LOXHD1: variants seen among roughly 807,000 people sequenced by gnomAD.
LOXHD1 encodes lipoxygenase homology PLAT domains 1.
A neutral mutation model predicts 248.2 loss-of-function variants in LOXHD1; 205 were observed. The ratio of observed to expected loss-of-function variants is 0.83; its 90% CI spans 0.74 to 0.93. The LOEUF (loss-of-function observed/expected upper bound fraction) is 0.93, where lower values mean the gene tolerates loss of function less well. Ranked by LOEUF, LOXHD1 falls within the 40% of genes least tolerant of loss-of-function variation. The pLI is 0.00. For synonymous variants in LOXHD1, 1,113 were observed against 1,162.8 expected, an observed-to-expected ratio of 0.96 and a Z score of 0.87; for missense variants, 2,930 against 2,971.6, an observed-to-expected ratio of 0.99 and a Z score of 0.33.
intron 20 of LOXHD1, chr18:46,557,823 A>AG (rs1367169564): frequency 2.3e-6 from 3 of 1,287,990 alleles, no homozygotes; most frequent in African/African-American, 1.5e-5. Context: ...TGTGCAAGAG[A>AG]GGGGGGTGCA....
chr18:46,623,607 C>T (rs1365568549), intron 4 of LOXHD1, among the ~76,000 whole-genome samples: 1 of 152,248 alleles, frequency 6.6e-6, no homozygotes, highest in Non-Finnish European at 1.5e-5. Context: ...TTTTCCTCTG[C>T]AGGCCCTGTG....
chr18:46,555,444 G>C (rs920488591), intron 21 of LOXHD1: 25 of 204,856 alleles, frequency 1.2e-4, no homozygotes, highest in African/African-American at 1.9e-4. Flanking sequence ...ACAATGGGCT[G>C]TCTGTGAGCT....
At chr18:46,594,180 G>C in intron 9 of LOXHD1, 151 bp downstream of exon 9, 1 of 960,900 alleles carries the variant, frequency 1.0e-6, no homozygotes, top group Non-Finnish European at 1.5e-6. Flanking sequence ...GAGCTGCTTG[G>C]CGGGGTTGGG....
chr18:46,541,865 C>T lies in LOXHD1; in HGVS notation c.3824G>A (p.Cys1275Tyr), dbSNP rs978325303. 1.3e-6 allele frequency: 2 copies of T among 1,551,622 alleles called. No individual in the cohort carries two copies. Among genetic ancestry groups the T allele is most frequent in the Non-Finnish European group, 1.7e-6 (2 of 1,147,016 alleles). Residue 1275 changes from cysteine to tyrosine, a missense_variant, in exon 25 of 41, where the codon TGT becomes TAT. By Grantham distance (194) the Cys-to-Tyr change is radical (BLOSUM62 -2). Transcript: ENST00000642948. ...PSLGKCMTFP[C>Y]GRWLAKNEDD... is the part of the protein sequence containing the mutation. ...TTCGTTTTTGGCCAGCCAGCGGCCA[C>T]AGGGAAACGTCATGCACTTCCCAAG...
rs1470113953 is a variant in LOXHD1, at chr18:46,574,382, T to TACACAC, written c.1971-2221_1971-2220insGTGTGT. Among the ~76,000 whole-genome samples the TACACAC allele has an allele frequency of 1.6e-3, 95 of 58,566 alleles. 1 individual carries two copies. Among genetic ancestry groups the TACACAC allele is most frequent in the South Asian group, 5.7e-3 (11 of 1,920 alleles). The allele number at this position is 58,566 out of a possible 152,430, so 38.4% of individuals were successfully genotyped here. On this transcript the variant is annotated intron_variant, in intron 14 of 40. Coordinates refer to ENST00000642948, the MANE Select transcript of LOXHD1 (RefSeq NM_001384474.1). ...CTGAGCTCACAGGAGTGTGTGTGTG[T>TACACAC]ACACATACACACACACACACACACA...
chr18:46,631,306 A>G (rs575641244), intron 4 of LOXHD1, among the ~76,000 whole-genome samples: 2 of 152,256 alleles, frequency 1.3e-5, no homozygotes, highest in East Asian at 3.9e-4. Context: ...CCTGACAGCT[A>G]CAACCCCCCC....
chr18:46,593,889 C>G, intron 9 of LOXHD1, 129 bp from the exon 10 acceptor site: 4 of 918,010 alleles, frequency 4.4e-6, no homozygotes, highest in Non-Finnish European at 6.5e-6. Flanking sequence ...GTGTCCCACT[C>G]TCAGAAACCC....
At chr18:46,611,016 C>G (rs984014143) in intron 5 of LOXHD1, 92 bp from the exon 6 acceptor site, 2 of 1,458,492 alleles carry the variant, frequency 1.4e-6, no homozygotes, top group African/African-American at 1.4e-5. Flanking sequence ...AGATGCTCTT[C>G]CAAAGTTAAC....
At chr18:46,576,744 C>T (rs892162775) in intron 14 of LOXHD1, among the ~76,000 whole-genome samples, 9 of 152,198 alleles carry the variant, frequency 5.9e-5, no homozygotes, top group African/African-American at 2.2e-4. Flanking sequence ...ATGGAGCCCT[C>T]CCAGTGGCCC....
chr18:46,605,611 A>G (rs2038401872), intron 6 of LOXHD1, among the ~76,000 whole-genome samples: 1 of 152,212 alleles, frequency 6.6e-6, no homozygotes. Flanking sequence ...CTCAGGCAAT[A>G]GGAAAAAGAA....
At chr18:46,557,234 C>G in intron 21 of LOXHD1, 122 bp downstream of exon 21, 3 of 1,166,782 alleles carry the variant, frequency 2.6e-6, no homozygotes, top group Non-Finnish European at 3.7e-6. Context: ...TGTCACCCAG[C>G]CCACCCTCAC....
At chr18:46,536,876 C>T (rs1268178513) in intron 26 of LOXHD1, among the ~76,000 whole-genome samples, 1 of 152,176 alleles carries the variant, frequency 6.6e-6, no homozygotes, top group African/African-American at 2.4e-5. Flanking sequence ...GGGCACATCT[C>T]CAAAGATCCC....
intron 5 of LOXHD1, among the ~76,000 whole-genome samples, chr18:46,612,891 CT>C (rs1270592527): frequency 6.6e-6 from 1 of 152,094 alleles, no homozygotes; most frequent in Non-Finnish European, 1.5e-5. Flanking sequence ...ACAATGCCAA[CT>C]CTATGTGTGC....
intron 38 of LOXHD1, 70 bp downstream of exon 38, chr18:46,488,902 T>A: frequency 6.7e-7 from 1 of 1,492,398 alleles, no homozygotes; most frequent in Non-Finnish European, 9.0e-7. Flanking sequence ...CCCCTCCAGC[T>A]GGAACGGTGT....
intron 10 of LOXHD1, 38 bp downstream of exon 10, chr18:46,593,562 C>T (rs2144241677): frequency 6.5e-7 from 1 of 1,547,720 alleles, no homozygotes; most frequent in Admixed American, 2.0e-5. Flanking sequence ...ACATCCCTTC[C>T]TCCTTTCTCC....
chr18:46,612,163 A>AT (rs1226132913), intron 5 of LOXHD1, among the ~76,000 whole-genome samples: 2 of 152,096 alleles, frequency 1.3e-5, no homozygotes, highest in African/African-American at 4.8e-5. Context: ...GGTTGCTTCT[A>AT]TTTTTTTGCT....
At chr18:46,515,997 A>G (rs1259147259) in intron 34 of LOXHD1, among the ~76,000 whole-genome samples, 1 of 152,206 alleles carries the variant, frequency 6.6e-6, no homozygotes, top group Non-Finnish European at 1.5e-5. Flanking sequence ...TACCACACCA[A>G]AAATAATGCT....
chr18:46,589,029 G>T (rs1321046488), intron 12 of LOXHD1, among the ~76,000 whole-genome samples: 7 of 152,158 alleles, frequency 4.6e-5, no homozygotes, highest in Non-Finnish European at 8.8e-5. Context: ...TAAGTGGGGT[G>T]GGCATGGACC....
chr18:46,625,108 T>C (rs1206033977), intron 4 of LOXHD1, among the ~76,000 whole-genome samples: 1 of 152,190 alleles, frequency 6.6e-6, no homozygotes, highest in Non-Finnish European at 1.5e-5. Flanking sequence ...AGCCTAGATT[T>C]GGACTCAGGG....
Sources: gnomAD v4.1 joint callset for allele counts (sites outside exome capture counted in the v4.1 genomes callset) on GRCh38, gnomAD v4.1.1 for gene constraint, MANE v1.5 for transcripts, NCBI Gene and HGNC (gene_info 2026-07-23, HGNC 2026-07-21) for gene names.